The following OR4D6 variants were observed in gnomAD, a reference collection of about 807,000 sequenced individuals.
The protein encoded by OR4D6 is olfactory receptor 4D6.
In OR4D6, 9 loss-of-function variants were observed where a neutral mutation model predicts 10.9. The ratio of observed to expected loss-of-function variants is 0.82; its 90% CI spans 0.50 to 1.44. The LOEUF is 1.44. Among genes scored for constraint, OR4D6 ranks in the 40% most tolerant of loss-of-function variants. The probability of loss-of-function intolerance (pLI) is 0.00; values close to 1 mark genes in which losing one functional copy is unlikely to be tolerated. For missense variants in OR4D6, 370 were observed against 384.4 expected, an observed-to-expected ratio of 0.96 and a Z score of 0.31; for synonymous variants, 167 against 154.4, an observed-to-expected ratio of 1.08 and a Z score of -0.60.
chr11:59,457,593 C>T lies in OR4D6; in HGVS notation c.633C>T (p.Phe211=). ...ACGGACTGGTGACCCTGCTCTGGTT[C>T]CTCCTGCTCCTGGGCTCCTACACTG... The part of the protein sequence containing the change: ...SNNGLVTLLW[F]LLLLGSYTVI... The change falls in exon 1 of 1, where the codon TTC becomes TTT. Residue 211 remains phenylalanine, a synonymous_variant. Coordinates refer to ENST00000300127, the MANE Select transcript of OR4D6 (RefSeq NM_001004708.1). 1 of 1,614,130 alleles carries T rather than the reference C, an allele frequency of 6.2e-7. No homozygotes were observed. Among genetic ancestry groups the T allele is most frequent in the South Asian group, 1.1e-5 (1 of 91,068 alleles).
rs769863635 is a variant in OR4D6 at position 59,457,776 on chromosome 11, C to T, written c.816C>T (p.Ser272=). ...CGCTGCCCATGGACACAACCATATC[C>T]ATTAATAACACGGTCATTACCCCCA... ...FMTLPMDTTI[S]INNTVITPML... Residue 272 remains serine (S), a synonymous_variant, in exon 1 of 1, where the codon TCC becomes TCT. Coordinates refer to ENST00000300127, the MANE Select transcript of OR4D6 (RefSeq NM_001004708.1). The T allele has an allele frequency of 6.2e-7, 1 of 1,613,694 alleles. No homozygotes were observed. The highest frequency in any genetic ancestry group is 1.3e-5 in the African/African-American group (1 of 75,034).
chr11:59,457,383 G>T lies in OR4D6; in HGVS notation c.423G>T (p.Trp141Cys). Residue 141 changes from tryptophan (W) to cysteine (C), a missense_variant, in exon 1 of 1, where the codon TGG (tryptophan) becomes TGT (cysteine). Physicochemically the swap from Trp to Cys is radical, Grantham distance 215. Transcript: ENST00000300127. ...HYVTMMRKEVWVALVVASWVS... is the reference protein window; with the variant it reads ...HYVTMMRKEVCVALVVASWVS... Reference sequence around the variant, plus strand: ...TGACCATGATGAGGAAAGAGGTGTGGGTGGCCTTGGTGGTGGCTTCTTGGG... The same window carrying T: ...TGACCATGATGAGGAAAGAGGTGTGTGTGGCCTTGGTGGTGGCTTCTTGGG... The T allele has an allele frequency of 6.2e-7, 1 of 1,613,964 alleles. No homozygotes were observed. Among genetic ancestry groups the T allele is most frequent in the Non-Finnish European group, 8.5e-7 (1 of 1,179,942 alleles).
chr11:59,457,652 A>C lies in OR4D6; in HGVS notation c.692A>C (p.Glu231Ala). ...ILVMLRSHSG[E>A]GRNKALSTCT... ...GTGATGCTGAGATCCCACTCTGGGGAGGGGCGGAACAAGGCCCTCTCCACG... is the reference window on the plus strand; with the variant it reads ...GTGATGCTGAGATCCCACTCTGGGGCGGGGCGGAACAAGGCCCTCTCCACG... The change falls in exon 1 of 1, where the codon GAG becomes GCG. Residue 231 changes from glutamate to alanine, a missense_variant. By Grantham distance (107) the Glu-to-Ala change is moderately radical (BLOSUM62 -1). Transcript: ENST00000300127. 1 of 1,612,798 alleles carries C rather than the reference A, an allele frequency of 6.2e-7. No homozygotes were observed. The highest frequency in any genetic ancestry group is 1.3e-5 in the African/African-American group (1 of 74,074).
Position 59,457,182 on chromosome 11 carries a change from A to G in OR4D6, c.222A>G (p.Ser74=). The G allele has an allele frequency of 1.9e-6, 3 of 1,613,502 alleles. No individual in the cohort carries two copies. Among genetic ancestry groups the G allele is most frequent in the Non-Finnish European group, 2.5e-6 (3 of 1,179,726 alleles). Residue 74 remains serine, a synonymous_variant, in exon 1 of 1, where the codon TCA becomes TCG. Coordinates refer to ENST00000300127, the MANE Select transcript of OR4D6 (RefSeq NM_001004708.1). ...RNKSVLDIVF[S]SITVPKFLVD... ...AATCAGTCCTGGACATCGTTTTTTC[A>G]TCTATCACCGTCCCCAAGTTCCTGG... is the stretch of plus-strand genomic sequence containing the variant.
Position 59,457,734 on chromosome 11 carries a change from C to T in OR4D6, c.774C>T (p.Tyr258=). 2.5e-6 allele frequency: 4 copies of T among 1,614,052 alleles called. No homozygotes were observed. Among genetic ancestry groups the T allele is most frequent in the East Asian group, 2.2e-5 (1 of 44,870 alleles). ...ACTTCGTGCCTTGTGTTTACATCTA[C>T]TGCCGGCCCTTCATGACGCTGCCCA... The part of the protein sequence containing the change: ...TLHFVPCVYI[Y]CRPFMTLPMD... Residue 258 remains tyrosine, a synonymous_variant, in exon 1 of 1, where the codon TAC becomes TAT. Transcript: ENST00000300127.
Position 59,457,873 on chromosome 11 carries a change from C to A in OR4D6, c.913C>A (p.Leu305Ile). Reference protein sequence around the residue: ...KSAMQRLQRRLGPSESRKWG With the variant: ...KSAMQRLQRRIGPSESRKWG ...AGCCATGCAGAGGCTGCAGAGGAGACTTGGGCCTTCCGAGAGCAGAAAATG... is the reference window on the plus strand; with the variant it reads ...AGCCATGCAGAGGCTGCAGAGGAGAATTGGGCCTTCCGAGAGCAGAAAATG... The change falls in exon 1 of 1, where the codon CTT (leucine) becomes ATT (isoleucine). Residue 305 changes from leucine (L) to isoleucine (I), a missense_variant. Physicochemically the swap from Leu to Ile is conservative, Grantham distance 5. Transcript: ENST00000300127. 2.5e-6 allele frequency: 4 copies of A among 1,607,740 alleles called. No homozygotes were observed. The highest frequency in any genetic ancestry group is 3.4e-6 in the Non-Finnish European group (4 of 1,175,482).
chr11:59,457,360 A>G lies in OR4D6; in HGVS notation c.400A>G (p.Thr134Ala), dbSNP rs1271970224. The G allele has an allele frequency of 3.1e-6, 5 of 1,613,470 alleles. No individual in the cohort carries two copies. The African/African-American group carries it at 4.0e-5, about 13-fold the overall frequency. Reference protein sequence around the residue: ...LAIAKPLHYVTMMRKEVWVAL... With the variant: ...LAIAKPLHYVAMMRKEVWVAL... ...AATCGCCAAGCCCCTGCACTATGTG[A>G]CCATGATGAGGAAAGAGGTGTGGGT... The change falls in exon 1 of 1, where the codon ACC (threonine) becomes GCC (alanine). Residue 134 changes from threonine (T) to alanine (A), a missense_variant. Transcript: ENST00000300127.
Position 59,457,293 on chromosome 11 carries a change from T to C in OR4D6, c.333T>C (p.Asp111=). The C allele has an allele frequency of 6.2e-7, 1 of 1,613,822 alleles. No individual in the cohort carries two copies. The highest frequency in any genetic ancestry group is 1.7e-4 in the Middle Eastern group (1 of 6,060). The part of the protein sequence containing the change: ...IFFFHFAGGA[D]IFFLSVMAYD... ...TCTTCCACTTTGCTGGTGGGGCAGATATTTTTTTCCTCTCTGTGATGGCCT... is the reference window on the plus strand; with the variant it reads ...TCTTCCACTTTGCTGGTGGGGCAGACATTTTTTTCCTCTCTGTGATGGCCT... Residue 111 remains aspartate, a synonymous_variant, in exon 1 of 1, where the codon GAT becomes GAC. Coordinates refer to ENST00000300127, the MANE Select transcript of OR4D6 (RefSeq NM_001004708.1).
Position 59,457,193 on chromosome 11 carries a change from T to C in OR4D6, c.233T>C (p.Val78Ala). The change falls in exon 1 of 1, where the codon GTC (valine) becomes GCC (alanine). Residue 78 changes from valine to alanine, a missense_variant. Transcript: ENST00000300127. ...VLDIVFSSIT[V>A]PKFLVDLLSD... ...GACATCGTTTTTTCATCTATCACCG[T>C]CCCCAAGTTCCTGGTGGATCTTTTA... 1 of 1,613,392 alleles carries C rather than the reference T, an allele frequency of 6.2e-7. No homozygotes were observed. The highest frequency in any genetic ancestry group is 8.5e-7 in the Non-Finnish European group (1 of 1,179,574).
chr11:59,457,190 C>T lies in OR4D6; in HGVS notation c.230C>T (p.Thr77Ile), dbSNP rs368089126. 6.2e-7 allele frequency: 1 copy of T among 1,613,444 alleles called. No homozygotes were observed. Among genetic ancestry groups the T allele is most frequent in the African/African-American group, 1.3e-5 (1 of 74,864 alleles). Residue 77 changes from threonine (T) to isoleucine (I), a missense_variant, in exon 1 of 1, where the codon ACC becomes ATC. By Grantham distance (89) the Thr-to-Ile change is moderately conservative. Coordinates refer to ENST00000300127, the MANE Select transcript of OR4D6 (RefSeq NM_001004708.1). ...CTGGACATCGTTTTTTCATCTATCACCGTCCCCAAGTTCCTGGTGGATCTT... is the reference window on the plus strand; with the variant it reads ...CTGGACATCGTTTTTTCATCTATCATCGTCCCCAAGTTCCTGGTGGATCTT... ...SVLDIVFSSI[T>I]VPKFLVDLLS...
rs376910045 is a variant in OR4D6 at position 59,457,682 on chromosome 11, C to T, written c.722C>T (p.Thr241Met). 209 of 1,613,914 alleles carry T rather than the reference C, an allele frequency of 1.3e-4. 1 individual carries two copies. The highest frequency in any genetic ancestry group is 9.9e-4 in the South Asian group (90 of 91,068). Residue 241 changes from threonine (T) to methionine (M), a missense_variant, in exon 1 of 1, where the codon ACG becomes ATG. Thr to Met is a moderately conservative substitution (Grantham distance 81). Coordinates refer to ENST00000300127, the MANE Select transcript of OR4D6 (RefSeq NM_001004708.1). ...CGGAACAAGGCCCTCTCCACGTGCA[C>T]GTCCCACATGCTGGTGGTGACTCTT... ...EGRNKALSTCTSHMLVVTLHF... is the reference protein window; with the variant it reads ...EGRNKALSTCMSHMLVVTLHF...
At position 59,457,282 on chromosome 11, in the gene OR4D6, G is replaced by C; in HGVS notation, c.322G>C (p.Gly108Arg). ...ACAGATCTTTTTCTTCCACTTTGCT[G>C]GTGGGGCAGATATTTTTTTCCTCTC... ...MAQIFFFHFA[G>R]GADIFFLSVM... Residue 108 changes from glycine to arginine, a missense_variant, in exon 1 of 1, where the codon GGT becomes CGT. Coordinates refer to ENST00000300127, the MANE Select transcript of OR4D6 (RefSeq NM_001004708.1). 1.2e-6 allele frequency: 2 copies of C among 1,613,724 alleles called. No homozygotes were observed. Among genetic ancestry groups the C allele is most frequent in the Non-Finnish European group, 1.7e-6 (2 of 1,179,864 alleles).
rs76972978 is a variant in OR4D6 at position 59,457,657 on chromosome 11, C to A, written c.697C>A (p.Arg233=). Residue 233 remains arginine, a synonymous_variant, in exon 1 of 1, where the codon CGG becomes AGG. Transcript: ENST00000300127. ...GCTGAGATCCCACTCTGGGGAGGGG[C>A]GGAACAAGGCCCTCTCCACGTGCAC... The part of the protein sequence containing the change: ...VMLRSHSGEG[R]NKALSTCTSH... The A allele has an allele frequency of 3.2e-6, 5 of 1,550,878 alleles. No homozygotes were observed. Among genetic ancestry groups the A allele is most frequent in the South Asian group, 1.1e-5 (1 of 88,214 alleles).
Position 59,457,386 on chromosome 11 carries a change from G to A in OR4D6, c.426G>A (p.Val142=), listed in dbSNP as rs773529788. The change falls in exon 1 of 1, where the codon GTG becomes GTA. Residue 142 remains valine, a synonymous_variant. Coordinates refer to ENST00000300127, the MANE Select transcript of OR4D6 (RefSeq NM_001004708.1). ...YVTMMRKEVW[V]ALVVASWVSG... is the part of the protein sequence containing the mutation. ...CCATGATGAGGAAAGAGGTGTGGGTGGCCTTGGTGGTGGCTTCTTGGGTGA... is the reference window on the plus strand; with the variant it reads ...CCATGATGAGGAAAGAGGTGTGGGTAGCCTTGGTGGTGGCTTCTTGGGTGA... 8.1e-6 allele frequency: 13 copies of A among 1,613,912 alleles called. No homozygotes were observed. Among genetic ancestry groups the A allele is most frequent in the Non-Finnish European group, 1.1e-5 (13 of 1,179,958 alleles).
In OR4D6 at chr11:59,457,238, C is replaced by G; in HGVS notation, c.278C>G (p.Ser93Cys). ...CTTTTATCAGACAGGAAAACCATCT[C>G]CTACAATGACTGCATGGCACAGATC... ...VDLLSDRKTI[S>C]YNDCMAQIFF... Residue 93 changes from serine to cysteine, a missense_variant, in exon 1 of 1, where the codon TCC (serine) becomes TGC (cysteine). By Grantham distance (112) the Ser-to-Cys change is moderately radical. Transcript: ENST00000300127. 6.2e-7 allele frequency: 1 copy of G among 1,613,226 alleles called. No individual in the cohort carries two copies. Among genetic ancestry groups the G allele is most frequent in the Non-Finnish European group, 8.5e-7 (1 of 1,179,766 alleles).
Position 59,457,247 on chromosome 11 carries a change from A to G in OR4D6, c.287A>G (p.Asp96Gly), listed in dbSNP as rs1453543. Residue 96 changes from aspartate to glycine, a missense_variant, in exon 1 of 1, where the codon GAC (aspartate) becomes GGC (glycine). Asp to Gly is a moderately conservative substitution (Grantham distance 94). Transcript: ENST00000300127. ...LSDRKTISYN[D>G]CMAQIFFFHF... The stretch of plus-strand genomic sequence containing the variant: ...GACAGGAAAACCATCTCCTACAATG[A>G]CTGCATGGCACAGATCTTTTTCTTC... The G allele has an allele frequency of 0.97, 1,564,926 of 1,612,954 alleles. 761,617 individuals carry two copies. The highest frequency in any genetic ancestry group is 0.99 in the Non-Finnish European group (1,166,995 of 1,179,736).
chr11:59,457,057 G>T lies in OR4D6; in HGVS notation c.97G>T (p.Ala33Ser). 2 of 1,614,078 alleles carry T rather than the reference G, an allele frequency of 1.2e-6. No homozygotes were observed. The highest frequency in any genetic ancestry group is 1.7e-6 in the Non-Finnish European group (2 of 1,179,982). The stretch of plus-strand genomic sequence containing the variant: ...GTTTTTCTTGTTTGTGGTCTTCTTT[G>T]CTGTGTATGTAGCAACAGTCCTGGG... The part of the protein sequence containing the change: ...LEFFLFVVFF[A>S]VYVATVLGNA... Residue 33 changes from alanine to serine, a missense_variant, in exon 1 of 1, where the codon GCT (alanine) becomes TCT (serine). Ala to Ser is a moderately conservative substitution (Grantham distance 99). Coordinates refer to ENST00000300127, the MANE Select transcript of OR4D6 (RefSeq NM_001004708.1).
rs747087358 is a variant in OR4D6, at chr11:59,457,763, A to T, written c.803A>T (p.Asp268Val). 1.9e-6 allele frequency: 3 copies of T among 1,613,990 alleles called. No individual in the cohort carries two copies. In the Admixed American group the frequency reaches 5.0e-5, roughly 27 times the overall value. ...YCRPFMTLPM[D>V]TTISINNTVI... Reference sequence around the variant, plus strand: ...CGGCCCTTCATGACGCTGCCCATGGACACAACCATATCCATTAATAACACG... The same window carrying T: ...CGGCCCTTCATGACGCTGCCCATGGTCACAACCATATCCATTAATAACACG... The change falls in exon 1 of 1, where the codon GAC becomes GTC. Residue 268 changes from aspartate to valine, a missense_variant. Asp to Val is a radical substitution (Grantham distance 152, BLOSUM62 -3). Coordinates refer to ENST00000300127, the MANE Select transcript of OR4D6 (RefSeq NM_001004708.1).
At position 59,457,699 on chromosome 11, in the gene OR4D6, G is replaced by A. The variant is rs145625481; in HGVS notation, c.739G>A (p.Val247Met). 1,659 of 1,613,998 alleles carry A rather than the reference G, an allele frequency of 1.0e-3. 24 individuals carry two copies. The African/African-American group carries it at 0.02, about 20-fold the overall frequency. The change falls in exon 1 of 1, where the codon GTG (valine) becomes ATG (methionine). Residue 247 changes from valine to methionine, a missense_variant. Transcript: ENST00000300127. Reference protein sequence around the residue: ...LSTCTSHMLVVTLHFVPCVYI... With the variant: ...LSTCTSHMLVMTLHFVPCVYI... Reference sequence around the variant, plus strand: ...CACGTGCACGTCCCACATGCTGGTGGTGACTCTTCACTTCGTGCCTTGTGT... The same window carrying A: ...CACGTGCACGTCCCACATGCTGGTGATGACTCTTCACTTCGTGCCTTGTGT...
Sources: allele counts gnomAD v4.1 joint callset, GRCh38; gene constraint gnomAD v4.1.1; transcripts MANE v1.5; gene names NCBI Gene and HGNC (gene_info 2026-07-23, HGNC 2026-07-21).